The following PTPRD variants were observed in gnomAD, a reference collection of about 807,000 sequenced individuals.
The protein encoded by PTPRD is protein tyrosine phosphatase receptor type D.
PTPRD carries 34 observed loss-of-function variants against 214.5 expected under a neutral mutation model. The observed-to-expected ratio is 0.16, with a 90% CI of 0.12 to 0.21. The LOEUF (loss-of-function observed/expected upper bound fraction) is 0.21. Among genes scored for constraint, PTPRD ranks in the 10% least tolerant of loss-of-function variants. The probability of loss-of-function intolerance (pLI) is 1.00; values close to 1 mark genes in which losing one functional copy is unlikely to be tolerated. For missense variants in PTPRD, 2,545 were observed against 2,398.7 expected, an observed-to-expected ratio of 1.06 and a Z score of -1.27; for synonymous variants, 1,128 against 845.7, an observed-to-expected ratio of 1.33 and a Z score of -5.79.
At chr9:9,381,561 T>A (rs945531177) in intron 9 of PTPRD, among the ~76,000 whole-genome samples, 1 of 151,988 alleles carries the variant, frequency 6.6e-6, no homozygotes. Context: ...GGTTTCACCA[T>A]GTTTCCCAGG....
chr9:10,404,566 G>GGCTA lies in PTPRD; in HGVS notation c.-599-63550_-599-63549insTAGC, dbSNP rs1399031148. 2.1e-3 allele frequency among the ~76,000 whole-genome samples: 14 copies of GGCTA among 6,516 alleles called. 4 individuals are homozygous for GGCTA. The highest frequency in any genetic ancestry group is 0.11 in the Middle Eastern group (2 of 18). 4.3% of individuals were successfully genotyped at this position (6,516 alleles called of 152,430 possible). A position where few individuals can be genotyped will look rare whatever the true frequency, so the allele number is the denominator to read the frequency against. On this transcript the variant is annotated intron_variant, in intron 2 of 45. Transcript: ENST00000381196. ...CAGCTCTATTTTAAACTTAAGCCATGTTGGTGACACGTCCAAAATCAACCA... is the reference window on the plus strand; with the variant it reads ...CAGCTCTATTTTAAACTTAAGCCATGGCTATTGGTGACACGTCCAAAATCAACCA...
At chr9:10,558,051 A>C (rs2063026855) in intron 2 of PTPRD, among the ~76,000 whole-genome samples, 1 of 152,108 alleles carries the variant, frequency 6.6e-6, no homozygotes, top group Admixed American at 6.6e-5. Flanking sequence ...CTGGACTCAT[A>C]ATTTCTATGG....
chr9:9,133,582 A>T (rs1444858266), intron 10 of PTPRD, among the ~76,000 whole-genome samples: 2 of 152,292 alleles, frequency 1.3e-5, no homozygotes, highest in South Asian at 2.1e-4. Context: ...TTATAAAAAA[A>T]CTCACTTTTG....
intron 2 of PTPRD, among the ~76,000 whole-genome samples, chr9:10,470,116 A>G (rs1210039646): frequency 6.6e-6 from 1 of 152,140 alleles, no homozygotes; most frequent in Non-Finnish European, 1.5e-5. Flanking sequence ...ACTAGAAGAT[A>G]TGGAATAGTC....
chr9:10,293,510 T>A (rs2095589949), intron 3 of PTPRD, among the ~76,000 whole-genome samples: 1 of 151,912 alleles, frequency 6.6e-6, no homozygotes, highest in African/African-American at 2.4e-5. Context: ...CGTAGGATAT[T>A]AAATCATGTT....
rs546103202 is a variant in PTPRD, at chr9:10,057,958, CT to C, written c.-544-24169del. On this transcript the variant is annotated intron_variant, in intron 3 of 45. Transcript: ENST00000381196. ...GATATTAAATAAGAATGACTTTAGT[CT>C]GTTTTGGAAAGGGAGAGTTTATTTT... 1.2e-4 allele frequency among the ~76,000 whole-genome samples: 18 copies of C among 151,988 alleles called. No homozygotes were observed. In the South Asian group the frequency reaches 3.3e-3, roughly 28 times the overall value.
intron 8 of PTPRD, among the ~76,000 whole-genome samples, chr9:9,474,405 G>C (rs147851904): frequency 0.012 from 1,760 of 152,112 alleles, 17 homozygotes; most frequent in South Asian, 0.025. Context: ...TTTTTACACA[G>C]TATTGCTTTG....
rs534086360 is a variant in PTPRD, at chr9:8,770,203, A to G, written c.-103-36257T>C. Among the ~76,000 whole-genome samples the G allele has an allele frequency of 5.3e-3, 800 of 152,152 alleles. 2 individuals carry two copies. The highest frequency in any genetic ancestry group is 9.3e-3 in the Non-Finnish European group (634 of 68,000). ...GGCTGAGGCAGAGAGAATTGCTTGAACCGGGAGAAGTGGAGGTTGCAGTGA... is the reference window on the plus strand; with the variant it reads ...GGCTGAGGCAGAGAGAATTGCTTGAGCCGGGAGAAGTGGAGGTTGCAGTGA... On this transcript the variant is annotated intron_variant, in intron 11 of 45. Coordinates refer to ENST00000381196, the MANE Select transcript of PTPRD (RefSeq NM_002839.4).
intron 3 of PTPRD, among the ~76,000 whole-genome samples, chr9:10,318,576 C>T (rs959775181): frequency 1.1e-4 from 17 of 151,968 alleles, no homozygotes; most frequent in African/African-American, 3.9e-4. Context: ...CTGCTAGCTA[C>T]ATTGGAGTCC....
chr9:10,317,746 C>T (rs1319978740), intron 3 of PTPRD, among the ~76,000 whole-genome samples: 1 of 151,976 alleles, frequency 6.6e-6, no homozygotes, highest in Admixed American at 6.6e-5. Flanking sequence ...AAAAAAATTA[C>T]TTTCATTGTC....
At chr9:9,866,985 T>G (rs1258611556) in intron 5 of PTPRD, among the ~76,000 whole-genome samples, 2 of 152,304 alleles carry the variant, frequency 1.3e-5, no homozygotes, top group East Asian at 3.9e-4. Flanking sequence ...AGTATAGTCA[T>G]GTTATTTCTT....
chr9:9,655,639 C>T lies in PTPRD; in HGVS notation c.-287+78894G>A, dbSNP rs1230704732. Reference sequence around the variant, plus strand: ...CCAAGCCAAACCAAACCAAACCAAACCGGAAAAACACCTTAAAAGATCTGA... The same window carrying T: ...CCAAGCCAAACCAAACCAAACCAAATCGGAAAAACACCTTAAAAGATCTGA... On this transcript the variant is annotated intron_variant, in intron 7 of 45. Coordinates refer to ENST00000381196, the MANE Select transcript of PTPRD (RefSeq NM_002839.4). 2.6e-5 allele frequency among the ~76,000 whole-genome samples: 4 copies of T among 151,560 alleles called. No homozygotes were observed. In the South Asian group the frequency reaches 8.3e-4, roughly 32 times the overall value.
rs949341705 is a variant in PTPRD, at chr9:8,326,677, C to T, written c.5534+4905G>A. 6.6e-5 allele frequency among the ~76,000 whole-genome samples: 10 copies of T among 151,166 alleles called. No individual in the cohort carries two copies. In the East Asian group the frequency reaches 2.0e-3, roughly 30 times the overall value. On this transcript the variant is annotated intron_variant, in intron 44 of 45. Coordinates refer to ENST00000381196, the MANE Select transcript of PTPRD (RefSeq NM_002839.4). ...TCCTCTTTGTACCTCTGGTAGAATT[C>T]GTCTGGTCCTGGACTTTTTTTGGTT... is the stretch of plus-strand genomic sequence containing the variant.
At chr9:9,063,374 A>G (rs908353962) in intron 10 of PTPRD, among the ~76,000 whole-genome samples, 14 of 152,160 alleles carry the variant, frequency 9.2e-5, no homozygotes, top group African/African-American at 3.1e-4. Flanking sequence ...TTAAAGTTCT[A>G]CCTTCACTGA....
intron 2 of PTPRD, among the ~76,000 whole-genome samples, chr9:10,484,368 T>C (rs376702210): frequency 2.6e-5 from 4 of 152,040 alleles, no homozygotes; most frequent in African/African-American, 4.8e-5. Context: ...TATGAATACA[T>C]TGAAATTCCA....
intron 3 of PTPRD, among the ~76,000 whole-genome samples, chr9:10,115,647 T>G (rs1046661081): frequency 5.3e-5 from 8 of 152,072 alleles, no homozygotes; most frequent in Admixed American, 6.6e-5. Flanking sequence ...TTACAAGTTT[T>G]TTTTTCTTTC....
intron 8 of PTPRD, among the ~76,000 whole-genome samples, chr9:9,508,852 C>T (rs1590193563): frequency 2.0e-5 from 3 of 151,552 alleles, no homozygotes; most frequent in African/African-American, 7.3e-5. Context: ...CTTGAATGAT[C>T]CATTATTAAC....
At chr9:9,054,318 G>C (rs1047276294) in intron 10 of PTPRD, among the ~76,000 whole-genome samples, 1 of 152,182 alleles carries the variant, frequency 6.6e-6, no homozygotes, top group African/African-American at 2.4e-5. Flanking sequence ...TCTTGTTCAT[G>C]TTTTAAGAGT....
intron 3 of PTPRD, among the ~76,000 whole-genome samples, chr9:10,285,010 ACTG>A (rs1240652021): frequency 2.6e-5 from 4 of 152,122 alleles, no homozygotes; most frequent in Admixed American, 2.0e-4. Context: ...TTTAATTTTA[ACTG>A]CTATTTTGAA....
Sources: gnomAD v4.1 joint callset for allele counts (sites outside exome capture counted in the v4.1 genomes callset) on GRCh38, gnomAD v4.1.1 for gene constraint, MANE v1.5 for transcripts, NCBI Gene and HGNC (gene_info 2026-07-23, HGNC 2026-07-21) for gene names.